The following MTMR10 variants were observed in gnomAD, a reference collection of about 807,000 sequenced individuals.
The protein encoded by MTMR10 is myotubularin related protein 10.
MTMR10 carries 56 observed loss-of-function variants against 88.1 expected under a neutral mutation model. The ratio of observed to expected loss-of-function variants is 0.64; its 90% CI spans 0.51 to 0.79. The LOEUF (loss-of-function observed/expected upper bound fraction) is 0.79. MTMR10 is among the 30% of genes least tolerant of loss of function. MTMR10 has a pLI of 0.00. For synonymous variants in MTMR10, 380 were observed against 340.9 expected (o/e 1.11, Z -1.26); for missense variants, 883 against 924.7 (o/e 0.95, Z 0.58).
At chr15:30,926,484 C>T in the MTMR10 span, 1 of 274,926 alleles carries the variant, frequency 3.6e-6, no homozygotes, top group Non-Finnish European at 5.5e-6. Context: ...TTTCAGTATT[C>T]CCCGAGTGTT....
the MTMR10 span, chr15:30,929,298 G>C: frequency 6.2e-7 from 1 of 1,612,926 alleles, no homozygotes; most frequent in Non-Finnish European, 8.5e-7. Context: ...CCCCCGAGGA[G>C]AGCCTGCGGG....
chr15:30,940,559 C>A lies in MTMR10; in HGVS notation c.*911G>T. 1.0e-6 allele frequency: 1 copy of A among 985,492 alleles called. No homozygotes were observed. Among genetic ancestry groups the A allele is most frequent in the Non-Finnish European group, 1.2e-6 (1 of 830,052 alleles). The allele number at this position is 985,492 out of a possible 1,614,324, so 61.0% of individuals were successfully genotyped here. A position where few individuals can be genotyped will look rare whatever the true frequency, so the allele number is the denominator to read the frequency against. ...GAAATACTGATGGCCAAGCCCAGCA[C>A]GCCTCCCAGCAAGCCTTGTTTGTTT... On this transcript the variant is annotated 3_prime_UTR_variant, in exon 16 of 16. Coordinates refer to ENST00000435680, the MANE Select transcript of MTMR10 (RefSeq NM_017762.3).
At chr15:30,944,676 A>T (rs2063143195) in intron 14 of MTMR10, among the ~76,000 whole-genome samples, 1 of 152,126 alleles carries the variant, frequency 6.6e-6, no homozygotes, top group Admixed American at 6.5e-5. Context: ...GTAAAACATG[A>T]ACCCAAACGT....
At chr15:30,985,047 T>C (rs2030855083) in intron 2 of MTMR10, among the ~76,000 whole-genome samples, 1 of 152,166 alleles carries the variant, frequency 6.6e-6, no homozygotes, top group Non-Finnish European at 1.5e-5. Context: ...ACACACTCAA[T>C]ACCTGCAGAA....
chr15:30,982,867 T>C (rs2030672275), intron 2 of MTMR10, among the ~76,000 whole-genome samples: 2 of 152,196 alleles, frequency 1.3e-5, no homozygotes, highest in African/African-American at 2.4e-5. Flanking sequence ...GCTCCTGCCA[T>C]GCACTGAAAC....
intron 6 of MTMR10, among the ~76,000 whole-genome samples, chr15:30,961,320 G>A (rs147616718): frequency 0.029 from 4,406 of 151,166 alleles, 217 homozygotes; most frequent in African/African-American, 0.098. Flanking sequence ...TGCAACCTCC[G>A]CCCCCCGGGT....
At chr15:30,949,868 G>A (rs1157698072) in intron 12 of MTMR10, 3 of 152,174 alleles carry the variant, frequency 2.0e-5, no homozygotes, top group Admixed American at 2.0e-4. Flanking sequence ...GCGGCAAAAG[G>A]CCACATATTG....
At chr15:30,942,572 C>T in intron 15 of MTMR10, 1 of 370,224 alleles carries the variant, frequency 2.7e-6, no homozygotes. Context: ...GCCATGACTA[C>T]ATCACAGCCA....
chr15:30,922,337 T>C, the MTMR10 span: 1 of 1,612,804 alleles, frequency 6.2e-7, no homozygotes, highest in Non-Finnish European at 8.5e-7. Flanking sequence ...ACACCAGCAC[T>C]TGAAGCGCCT....
the MTMR10 span, chr15:30,922,384 C>A: frequency 2.5e-6 from 4 of 1,572,142 alleles, no homozygotes; most frequent in Non-Finnish European, 3.4e-6. Flanking sequence ...ATCTGAAACA[C>A]CTTTTCATTT....
Position 30,943,428 on chromosome 15 carries a change from G to A in MTMR10, c.1549-356C>T, listed in dbSNP as rs928630210. 2.0e-5 allele frequency: 20 copies of A among 984,976 alleles called. No homozygotes were observed. The African/African-American group carries it at 3.5e-4, about 17-fold the overall frequency. 61.0% of individuals were successfully genotyped at this position (984,976 alleles called of 1,614,324 possible). Reference sequence around the variant, plus strand: ...TATAATTACAGTATTTTACTTTTATGAGCACACGGTCAGTACATTTAAGTA... The same window carrying A: ...TATAATTACAGTATTTTACTTTTATAAGCACACGGTCAGTACATTTAAGTA... On this transcript the variant is annotated intron_variant, in intron 14 of 15. Coordinates refer to ENST00000435680, the MANE Select transcript of MTMR10 (RefSeq NM_017762.3).
chr15:30,929,331 T>C, the MTMR10 span: 1 of 1,611,972 alleles, frequency 6.2e-7, no homozygotes, highest in Admixed American at 1.7e-5. Context: ...CCACGTGGCA[T>C]GAGCAGGAAG....
intron 9 of MTMR10, among the ~76,000 whole-genome samples, chr15:30,958,030 C>T (rs954604506): frequency 3.9e-5 from 6 of 152,166 alleles, no homozygotes; most frequent in African/African-American, 1.2e-4. Flanking sequence ...GATGACCCCC[C>T]GGTTTCTGAG....
At chr15:30,960,069 A>C (rs898200493) in intron 7 of MTMR10, among the ~76,000 whole-genome samples, 2 of 152,186 alleles carry the variant, frequency 1.3e-5, no homozygotes, top group Non-Finnish European at 2.9e-5. Flanking sequence ...CTGGTGAGAG[A>C]AAAGTTCGAT....
chr15:30,974,785 T>C (rs1405586857), intron 4 of MTMR10, 146 bp downstream of exon 4: 3 of 517,690 alleles, frequency 5.8e-6, no homozygotes, highest in Non-Finnish European at 9.8e-6. Flanking sequence ...AACATATCCC[T>C]CTTTATGTTC....
At position 30,953,563 on chromosome 15, in the gene MTMR10, T is replaced by C. The variant is rs1172847452; in HGVS notation, c.1135A>G (p.Arg379Gly). ...AAAAGAAAGTAAAGAAGTACAAACC[T>C]TACATATTCTAACCATCGAGTATTT... is the stretch of plus-strand genomic sequence containing the variant. ...LENTRWLEYV[R>G]AFLKHSAELV... The change falls in exon 11 of 16, where the codon AGG becomes GGG. Residue 379 changes from arginine to glycine, a missense_variant and splice_region_variant. Arg to Gly is a moderately radical substitution (Grantham distance 125). Transcript: ENST00000435680. 1 of 1,536,924 alleles carries C rather than the reference T, an allele frequency of 6.5e-7. No individual in the cohort carries two copies. The highest frequency in any genetic ancestry group is 2.4e-5 in the East Asian group (1 of 40,934).
the MTMR10 span, among the ~76,000 whole-genome samples, chr15:30,919,416 C>A: frequency 7.1e-6 from 1 of 140,166 alleles, no homozygotes; most frequent in Admixed American, 7.2e-5. Flanking sequence ...AGGGGCTGGG[C>A]GTGGTGGCTC....
chr15:30,980,643 C>T (rs569126784), intron 2 of MTMR10, among the ~76,000 whole-genome samples: 1 of 152,202 alleles, frequency 6.6e-6, no homozygotes, highest in Admixed American at 6.5e-5. Context: ...AGAACTAGGG[C>T]TCTTTAGAGA....
chr15:30,928,469 TATG>T, the MTMR10 span: 16 of 1,570,250 alleles, frequency 1.0e-5, no homozygotes, highest in East Asian at 1.4e-4. Flanking sequence ...TGCAGTAGGT[TATG>T]GTGGTGTTTT....
Sources: allele counts gnomAD v4.1 joint callset (sites outside exome capture counted in the v4.1 genomes callset), GRCh38; gene constraint gnomAD v4.1.1; transcripts MANE v1.5; gene names NCBI Gene and HGNC (gene_info 2026-07-23, HGNC 2026-07-21).